TTBK2: variants seen among roughly 807,000 people sequenced by gnomAD.
TTBK2 encodes tau tubulin kinase 2.
A neutral mutation model predicts 110.8 loss-of-function variants in TTBK2; 28 were observed. The ratio of observed to expected loss-of-function variants is 0.25; its 90% CI spans 0.19 to 0.35. The LOEUF (loss-of-function observed/expected upper bound fraction) is 0.35, where lower values mean the gene tolerates loss of function less well. Among genes scored for constraint, TTBK2 ranks in the 10% least tolerant of loss-of-function variants. The pLI, the probability that TTBK2 is intolerant of heterozygous loss-of-function variation, is 1.00. For synonymous variants in TTBK2, 532 were observed against 527.3 expected (o/e 1.01, Z -0.12); for missense variants, 1,369 against 1,500.3 (o/e 0.91, Z 1.45).
intron 9 of TTBK2, 70 bp from the exon 10 acceptor site, chr15:42,794,871 C>A (rs773973876): frequency 1.3e-6 from 2 of 1,582,326 alleles, no homozygotes; most frequent in Non-Finnish European, 1.7e-6. Context: ...TAAGAGAAAG[C>A]ACACCAGACT....
At chr15:42,888,776 A>T (rs1256810710) in intron 1 of TTBK2, among the ~76,000 whole-genome samples, 2 of 152,208 alleles carry the variant, frequency 1.3e-5, no homozygotes, top group Non-Finnish European at 2.9e-5. Flanking sequence ...AGCTGGAGTC[A>T]TTCACTGCAA....
intron 7 of TTBK2, among the ~76,000 whole-genome samples, chr15:42,813,886 A>G (rs1891831477): frequency 6.6e-6 from 1 of 152,204 alleles, no homozygotes; most frequent in Non-Finnish European, 1.5e-5. Flanking sequence ...ACAATTAAAT[A>G]AAGTAACAAA....
chr15:42,874,727 C>A (rs1182110242), intron 2 of TTBK2, among the ~76,000 whole-genome samples: 2 of 151,482 alleles, frequency 1.3e-5, no homozygotes, highest in African/African-American at 4.8e-5. Flanking sequence ...GTGGCTCACA[C>A]CTGTAATCCC....
intron 4 of TTBK2, among the ~76,000 whole-genome samples, chr15:42,831,891 A>G (rs1336579888): frequency 6.6e-6 from 1 of 152,210 alleles, no homozygotes; most frequent in Non-Finnish European, 1.5e-5. Context: ...TATGTGACTA[A>G]TATCATCACT....
At chr15:42,855,657 A>G (rs1434901317) in intron 3 of TTBK2, among the ~76,000 whole-genome samples, 1 of 152,160 alleles carries the variant, frequency 6.6e-6, no homozygotes, top group Non-Finnish European at 1.5e-5. Flanking sequence ...TGGTCATATA[A>G]GGCCACAACT....
At chr15:42,830,333 G>C (rs1003677459) in intron 4 of TTBK2, among the ~76,000 whole-genome samples, 1 of 152,018 alleles carries the variant, frequency 6.6e-6, no homozygotes, top group East Asian at 1.9e-4. Flanking sequence ...GGTTACAGGT[G>C]CATGCCATCA....
intron 3 of TTBK2, among the ~76,000 whole-genome samples, chr15:42,841,693 G>C (rs980218233): frequency 6.6e-5 from 10 of 151,984 alleles, no homozygotes; most frequent in South Asian, 2.1e-4. Flanking sequence ...TCACTCTGGG[G>C]GATAGTTACA....
chr15:42,881,401 C>T (rs1043481645), intron 1 of TTBK2, among the ~76,000 whole-genome samples: 2 of 137,624 alleles, frequency 1.5e-5, no homozygotes, highest in African/African-American at 5.4e-5. Context: ...TTACCAAGCA[C>T]ACAAAGAACC....
intron 13 of TTBK2, among the ~76,000 whole-genome samples, chr15:42,761,483 G>A (rs148386704): frequency 1.3e-4 from 20 of 150,420 alleles, no homozygotes; most frequent in African/African-American, 4.4e-4. Flanking sequence ...AGTCAATAGA[G>A]TGAAAAGATA....
At chr15:42,813,283 A>G (rs1300142297) in intron 7 of TTBK2, among the ~76,000 whole-genome samples, 3 of 152,186 alleles carry the variant, frequency 2.0e-5, no homozygotes, top group African/African-American at 7.2e-5. Context: ...GCACTTTGGG[A>G]GGCCAAGACA....
intron 13 of TTBK2, among the ~76,000 whole-genome samples, chr15:42,760,404 CAAAA>C (rs1256361537): frequency 0.018 from 2,199 of 119,450 alleles, 70 homozygotes; most frequent in African/African-American, 0.064. Flanking sequence ...AAAAAAAAAA[CAAAA>C]AAAGAATTCA....
chr15:42,790,785 T>C (rs764996679), intron 10 of TTBK2, among the ~76,000 whole-genome samples: 6 of 151,908 alleles, frequency 3.9e-5, no homozygotes, highest in Non-Finnish European at 8.8e-5. Context: ...CTGCAACCTC[T>C]GCCTCACAGG....
Position 42,794,685 on chromosome 15 carries a change from G to A in TTBK2, c.939C>T (p.Thr313=), listed in dbSNP as rs1890854461. Residue 313 remains threonine, a synonymous_variant, in exon 10 of 15, where the codon ACC becomes ACT. Coordinates refer to ENST00000267890, the MANE Select transcript of TTBK2 (RefSeq NM_173500.4). ...DGSLTTTTTS[T]TPQLHTRLTP... ...TCAAGCGAGTGTGCAACTGAGGGGTGGTAGAAGTAGTGGTGGTTGTTAGGG... is the reference window on the plus strand; with the variant it reads ...TCAAGCGAGTGTGCAACTGAGGGGTAGTAGAAGTAGTGGTGGTTGTTAGGG... 7.4e-6 allele frequency: 12 copies of A among 1,614,112 alleles called. No individual in the cohort carries two copies. Among genetic ancestry groups the A allele is most frequent in the Non-Finnish European group, 1.0e-5 (12 of 1,180,030 alleles).
At chr15:42,846,569 T>C (rs972125592) in intron 3 of TTBK2, among the ~76,000 whole-genome samples, 1 of 152,246 alleles carries the variant, frequency 6.6e-6, no homozygotes, top group Non-Finnish European at 1.5e-5. Context: ...AACAACCAAC[T>C]ATAATATGAA....
chr15:42,798,125 C>T, intron 9 of TTBK2: 1 of 427,576 alleles, frequency 2.3e-6, no homozygotes, highest in Non-Finnish European at 4.7e-6. Flanking sequence ...CTCAGGTGAT[C>T]CACCCACCTC....
chr15:42,849,001 A>G lies in TTBK2; in HGVS notation c.218-8568T>C, dbSNP rs1055547909. On this transcript the variant is annotated intron_variant, in intron 3 of 14. Coordinates refer to ENST00000267890, the MANE Select transcript of TTBK2 (RefSeq NM_173500.4). ...TTCTATATAGACAATCATGTCATCC[A>G]CAAACAGGAACAGTTTTATTTCCTC... is the stretch of plus-strand genomic sequence containing the variant. Among the ~76,000 whole-genome samples the G allele has an allele frequency of 2.0e-5, 3 of 152,206 alleles. No individual in the cohort carries two copies. The East Asian group carries it at 5.8e-4, about 29-fold the overall frequency.
chr15:42,878,722 G>A, intron 1 of TTBK2, 38 bp from the exon 2 acceptor site: 1 of 1,593,970 alleles, frequency 6.3e-7, no homozygotes, highest in South Asian at 1.1e-5. Flanking sequence ...GCAGTATTTA[G>A]GGTTAACTAA....
chr15:42,825,441 T>C (rs921046612), intron 6 of TTBK2, among the ~76,000 whole-genome samples: 1 of 152,224 alleles, frequency 6.6e-6, no homozygotes, highest in Non-Finnish European at 1.5e-5. Flanking sequence ...TCAGGTGTGG[T>C]GGCTCATGCC....
At chr15:42,883,640 T>C (rs569390991) in intron 1 of TTBK2, among the ~76,000 whole-genome samples, 19 of 151,834 alleles carry the variant, frequency 1.3e-4, no homozygotes, top group South Asian at 4.2e-4. Flanking sequence ...TACCAAAACA[T>C]GTTAAGATAA....
Sources: gnomAD v4.1 joint callset for allele counts (sites outside exome capture counted in the v4.1 genomes callset) on GRCh38, gnomAD v4.1.1 for gene constraint, MANE v1.5 for transcripts, NCBI Gene and HGNC (gene_info 2026-07-23, HGNC 2026-07-21) for gene names.